The following NEGR1 variants were observed in gnomAD, a reference collection of about 807,000 sequenced individuals.
NEGR1 encodes IgLON family member 4.
NEGR1 carries 10 observed loss-of-function variants against 40.9 expected under a neutral mutation model. The observed-to-expected ratio is 0.24, with a 90% CI of 0.15 to 0.42. The LOEUF is 0.42. Among genes scored for constraint, NEGR1 ranks in the 10% least tolerant of loss-of-function variants. NEGR1 has a pLI of 1.00. For synonymous variants in NEGR1, 185 were observed against 166.8 expected, an observed-to-expected ratio of 1.11 and a Z score of -0.84; for missense variants, 352 against 438.9, an observed-to-expected ratio of 0.80 and a Z score of 1.77.
In NEGR1 at chr1:71,692,136, T is replaced by C. The variant is rs1440454913; in HGVS notation, c.667+5872A>G. On this transcript the variant is annotated intron_variant, in intron 4 of 6. Transcript: ENST00000357731. ...AGGCTGTAGCACCTTGATTCTCTTATAGTAAGCAGTAAGTAAATAACTAAG... is the reference window on the plus strand; with the variant it reads ...AGGCTGTAGCACCTTGATTCTCTTACAGTAAGCAGTAAGTAAATAACTAAG... Among the ~76,000 whole-genome samples, 3 of 151,698 alleles carry C rather than the reference T, an allele frequency of 2.0e-5. No homozygotes were observed. In the Admixed American group the frequency reaches 2.0e-4, roughly 10 times the overall value.
intron 1 of NEGR1, among the ~76,000 whole-genome samples, chr1:72,135,397 C>CAAAACAAAAAAAAAAA (rs1650419677): frequency 7.5e-5 from 2 of 26,642 alleles, no homozygotes; most frequent in African/African-American, 2.7e-4. Flanking sequence ...AAACAAAAAA[C>CAAAACAAAAAAAAAAA]AAAAAACAAA....
At chr1:72,064,663 G>C (rs1399028020) in intron 1 of NEGR1, among the ~76,000 whole-genome samples, 1 of 152,004 alleles carries the variant, frequency 6.6e-6, no homozygotes. Context: ...CTACAGAAAA[G>C]CAAAATGTAC....
chr1:71,706,070 G>A (rs992780237), intron 3 of NEGR1, among the ~76,000 whole-genome samples: 5 of 152,206 alleles, frequency 3.3e-5, no homozygotes, highest in Non-Finnish European at 5.9e-5. Context: ...AAGAAGTACT[G>A]AAGAGATTTT....
chr1:71,970,151 T>C (rs1017757281), intron 1 of NEGR1, among the ~76,000 whole-genome samples: 3 of 151,894 alleles, frequency 2.0e-5, no homozygotes, highest in African/African-American at 7.3e-5. Flanking sequence ...GCAGAAGAAA[T>C]AGCCTGGCAG....
At chr1:71,758,113 T>C (rs1222987275) in intron 3 of NEGR1, among the ~76,000 whole-genome samples, 7 of 152,048 alleles carry the variant, frequency 4.6e-5, no homozygotes, top group African/African-American at 9.7e-5. Flanking sequence ...ACACATGCAG[T>C]GACTGGCAGA....
intron 4 of NEGR1, among the ~76,000 whole-genome samples, chr1:71,666,519 A>G (rs1385315358): frequency 6.6e-6 from 1 of 152,174 alleles, no homozygotes; most frequent in Non-Finnish European, 1.5e-5. Flanking sequence ...GAGGTATAGA[A>G]TAGGCAGTGT....
At chr1:72,055,963 C>T (rs747502138) in intron 1 of NEGR1, among the ~76,000 whole-genome samples, 4 of 150,442 alleles carry the variant, frequency 2.7e-5, no homozygotes, top group Non-Finnish European at 6.0e-5. Context: ...TCTCTGGTTT[C>T]CACTTTATTA....
rs960241490 is a variant in NEGR1, at chr1:72,172,845, C to T, written c.176+109474G>A. On this transcript the variant is annotated intron_variant, in intron 1 of 6. Coordinates refer to ENST00000357731, the MANE Select transcript of NEGR1 (RefSeq NM_173808.3). ...CATGACCCTTCCTCCCCTTTTAAAGCCAGACATGTTGAACCACGTCTTTCC... is the reference window on the plus strand; with the variant it reads ...CATGACCCTTCCTCCCCTTTTAAAGTCAGACATGTTGAACCACGTCTTTCC... Among the ~76,000 whole-genome samples, 62 of 152,068 alleles carry T rather than the reference C, an allele frequency of 4.1e-4. 1 individual carries two copies. The highest frequency in any genetic ancestry group is 2.9e-5 in the Non-Finnish European group (2 of 68,010).
chr1:72,195,503 A>T (rs1281401925), intron 1 of NEGR1, among the ~76,000 whole-genome samples: 1 of 151,858 alleles, frequency 6.6e-6, no homozygotes, highest in African/African-American at 2.4e-5. Context: ...TCTTCATTTA[A>T]AAAAAATAGC....
At chr1:72,241,357 T>G (rs1294411611) in intron 1 of NEGR1, among the ~76,000 whole-genome samples, 2 of 114,752 alleles carry the variant, frequency 1.7e-5, no homozygotes, top group Admixed American at 1.6e-4. Context: ...TGATATTCCC[T>G]GTCCACTATA....
At chr1:72,120,931 A>T (rs917593254) in intron 1 of NEGR1, among the ~76,000 whole-genome samples, 1 of 152,054 alleles carries the variant, frequency 6.6e-6, no homozygotes, top group Non-Finnish European at 1.5e-5. Flanking sequence ...AAAAAAAAGG[A>T]TCAGTAATGA....
At chr1:71,910,996 C>T (rs372633154) in intron 2 of NEGR1, among the ~76,000 whole-genome samples, 3 of 151,998 alleles carry the variant, frequency 2.0e-5, no homozygotes, top group East Asian at 3.9e-4. Context: ...CCACTCCCAG[C>T]CTAGAGTCTT....
chr1:72,184,810 C>T (rs973774214), intron 1 of NEGR1, among the ~76,000 whole-genome samples: 1 of 151,982 alleles, frequency 6.6e-6, no homozygotes, highest in Non-Finnish European at 1.5e-5. Context: ...ATTATTTACA[C>T]TTTCTATGTG....
At chr1:71,757,634 C>G (rs1271203421) in intron 3 of NEGR1, among the ~76,000 whole-genome samples, 1 of 152,014 alleles carries the variant, frequency 6.6e-6, no homozygotes, top group Non-Finnish European at 1.5e-5. Context: ...TAACCCTTCT[C>G]TAATATATTC....
chr1:71,852,607 C>T (rs1659639837), intron 2 of NEGR1, among the ~76,000 whole-genome samples: 1 of 151,970 alleles, frequency 6.6e-6, no homozygotes, highest in Non-Finnish European at 1.5e-5. Flanking sequence ...CAATAGACCA[C>T]AACTGTTTTG....
intron 2 of NEGR1, among the ~76,000 whole-genome samples, chr1:71,870,531 A>C (rs1476343283): frequency 1.3e-5 from 2 of 152,134 alleles, no homozygotes; most frequent in African/African-American, 4.8e-5. Context: ...GCCTGTATTA[A>C]ATTTATACTT....
intron 2 of NEGR1, among the ~76,000 whole-genome samples, chr1:71,854,574 C>T (rs1283652006): frequency 2.0e-5 from 3 of 151,958 alleles, no homozygotes; most frequent in Non-Finnish European, 4.4e-5. Flanking sequence ...AAGAAATATT[C>T]GTGACTGGGT....
At chr1:72,115,773 G>C (rs1649558763) in intron 1 of NEGR1, among the ~76,000 whole-genome samples, 1 of 151,628 alleles carries the variant, frequency 6.6e-6, no homozygotes, top group Non-Finnish European at 1.5e-5. Flanking sequence ...AAAGGGAAGG[G>C]AATTTCAAAT....
At chr1:71,865,570 G>A (rs1007911183) in intron 2 of NEGR1, among the ~76,000 whole-genome samples, 1 of 152,066 alleles carries the variant, frequency 6.6e-6, no homozygotes, top group African/African-American at 2.4e-5. Flanking sequence ...ATGGACACAG[G>A]GAGGGGAACA....
Sources: gnomAD v4.1 joint callset for allele counts (sites outside exome capture counted in the v4.1 genomes callset) on GRCh38, gnomAD v4.1.1 for gene constraint, MANE v1.5 for transcripts, NCBI Gene and HGNC (gene_info 2026-07-23, HGNC 2026-07-21) for gene names.